RBPJ: variants seen among roughly 807,000 people sequenced by gnomAD.
RBPJ encodes the protein recombination signal binding protein for immunoglobulin kappa J region.
RBPJ carries 9 observed loss-of-function variants against 67.8 expected under a neutral mutation model. The observed-to-expected ratio is 0.13, with a 90% CI of 0.08 to 0.23. RBPJ has a LOEUF of 0.23. Ranked by LOEUF, RBPJ falls within the 10% of genes least tolerant of loss-of-function variation. The pLI, the probability that RBPJ is intolerant of heterozygous loss-of-function variation, is 1.00. For synonymous variants in RBPJ, 198 were observed against 203.3 expected (o/e 0.97, Z 0.22); for missense variants, 305 against 595.6 (o/e 0.51, Z 5.08).
At chr4:26,205,284 G>A (rs1032388956) in intron 1 of RBPJ, among the ~76,000 whole-genome samples, 2 of 152,206 alleles carry the variant, frequency 1.3e-5, no homozygotes, top group Admixed American at 1.3e-4. Flanking sequence ...CTGCCAGTGT[G>A]GAGTATAGGA....
At position 26,270,358 on chromosome 4, in the gene RBPJ, AAAGAAAGAAAG is replaced by A. The variant is rs1296769165; in HGVS notation, c.-166-92085_-166-92075del. Among the ~76,000 whole-genome samples, 112 of 14,644 alleles carry A rather than the reference AAAGAAAGAAAG, an allele frequency of 7.6e-3. 3 individuals are homozygous for A. The highest frequency in any genetic ancestry group is 0.03 in the African/African-American group (109 of 3,686). The allele number at this position is 14,644 out of a possible 152,430, so 9.6% of individuals were successfully genotyped here. ...AGGGGAGGGAGGGAGAGAGCAAGAG[AAAGAAAGAAAG>A]AAAGAAAGAAAGAAAGAAAGAAAGA... is the stretch of plus-strand genomic sequence containing the variant. On this transcript the variant is annotated intron_variant, in intron 1 of 4. Coordinates refer to the RBPJ transcript ENST00000512351.
At chr4:26,188,823 TATAAG>T (rs1295185605) in intron 1 of RBPJ, among the ~76,000 whole-genome samples, 2 of 152,228 alleles carry the variant, frequency 1.3e-5, no homozygotes, top group Non-Finnish European at 2.9e-5. Flanking sequence ...GCATGCATCA[TATAAG>T]ATAGATTACT....
At chr4:26,236,215 G>A (rs1295418515) in intron 1 of RBPJ, among the ~76,000 whole-genome samples, 1 of 152,174 alleles carries the variant, frequency 6.6e-6, no homozygotes, top group Non-Finnish European at 1.5e-5. Context: ...CTGTGACCTT[G>A]AGTGAGTAGG....
At chr4:26,320,946 G>C, upstream of RBPJ, 1 of 1,612,328 alleles carries the variant, frequency 6.2e-7, no homozygotes, top group Non-Finnish European at 8.5e-7. Flanking sequence ...TGAGGAAAAA[G>C]GGAAGGGGCG....
intron 1 of RBPJ, among the ~76,000 whole-genome samples, chr4:26,293,038 T>C (rs1257180126): frequency 6.6e-6 from 1 of 150,438 alleles, no homozygotes; most frequent in Non-Finnish European, 1.5e-5. Flanking sequence ...TATGGACACT[T>C]GGATATAGCT....
chr4:26,243,088 A>C (rs1719703891), intron 1 of RBPJ, among the ~76,000 whole-genome samples: 1 of 152,060 alleles, frequency 6.6e-6, no homozygotes, highest in South Asian at 2.1e-4. Flanking sequence ...GTAGCCGGGC[A>C]TGGTGGCCGG....
chr4:26,292,927 G>T (rs1721720440), intron 1 of RBPJ, among the ~76,000 whole-genome samples: 1 of 150,600 alleles, frequency 6.6e-6, no homozygotes, highest in Non-Finnish European at 1.5e-5. Flanking sequence ...ATGAACATGG[G>T]CATGCAGATA....
At chr4:26,221,689 G>C (rs1718914775) in intron 1 of RBPJ, among the ~76,000 whole-genome samples, 1 of 152,172 alleles carries the variant, frequency 6.6e-6, no homozygotes, top group Non-Finnish European at 1.5e-5. Flanking sequence ...ACTAAAAAGA[G>C]CACCCAGTTG....
At chr4:26,115,253 A>C in the RBPJ span, among the ~76,000 whole-genome samples, 1 of 152,246 alleles carries the variant, frequency 6.6e-6, no homozygotes, top group Non-Finnish European at 1.5e-5. Context: ...GACATAAACA[A>C]ATGCCTATCG....
chr4:26,145,766 T>G, the RBPJ span, among the ~76,000 whole-genome samples: 1 of 152,202 alleles, frequency 6.6e-6, no homozygotes, highest in East Asian at 1.9e-4. Flanking sequence ...TTAGCTCTTT[T>G]GAGGAGAAAA....
intron 1 of RBPJ, among the ~76,000 whole-genome samples, chr4:26,247,193 AT>A (rs972609575): frequency 6.6e-6 from 1 of 151,348 alleles, no homozygotes; most frequent in Non-Finnish European, 1.5e-5. Flanking sequence ...TATTTTTTTC[AT>A]TTTTTTATTA....
At chr4:26,346,746 C>T (rs913780363) in intron 1 of RBPJ, among the ~76,000 whole-genome samples, 1 of 152,184 alleles carries the variant, frequency 6.6e-6, no homozygotes, top group African/African-American at 2.4e-5. Flanking sequence ...AATCCCAGCA[C>T]TTTGGAAGGC....
intron 1 of RBPJ, among the ~76,000 whole-genome samples, chr4:26,169,971 G>A (rs988780909): frequency 1.3e-4 from 20 of 152,094 alleles, no homozygotes; most frequent in African/African-American, 1.7e-4. Context: ...TCCAGGTGCC[G>A]TCTGTCACCC....
chr4:26,401,976 C>T (rs770991621), intron 2 of RBPJ, among the ~76,000 whole-genome samples: 8 of 150,546 alleles, frequency 5.3e-5, no homozygotes, highest in South Asian at 2.1e-4. Context: ...GCAACCTCTG[C>T]CTCCTGTGTT....
chr4:26,280,487 ATAACT>A (rs1286809200), intron 1 of RBPJ, among the ~76,000 whole-genome samples: 1 of 151,930 alleles, frequency 6.6e-6, no homozygotes, highest in Non-Finnish European at 1.5e-5. Flanking sequence ...TGTGCCTCAG[ATAACT>A]TAAGGAGACC....
chr4:26,426,105 G>A (rs1178180522), intron 7 of RBPJ, among the ~76,000 whole-genome samples: 1 of 152,134 alleles, frequency 6.6e-6, no homozygotes, highest in East Asian at 1.9e-4. Context: ...TAACGTTAGG[G>A]AATGAAGGGC....
chr4:26,383,296 G>GC (rs1730505633), intron 1 of RBPJ, among the ~76,000 whole-genome samples: 1 of 152,162 alleles, frequency 6.6e-6, no homozygotes, highest in African/African-American at 2.4e-5. Context: ...GAATTTCAGA[G>GC]CATCAAGGAG....
At chr4:26,186,184 C>T (rs1434561234) in intron 1 of RBPJ, among the ~76,000 whole-genome samples, 6 of 141,870 alleles carry the variant, frequency 4.2e-5, no homozygotes, top group Non-Finnish European at 6.1e-5. Flanking sequence ...CTGCTCCCCC[C>T]TTTTTTTTAA....
intron 1 of RBPJ, among the ~76,000 whole-genome samples, chr4:26,291,100 A>T (rs1373231706): frequency 6.6e-6 from 1 of 150,954 alleles, no homozygotes; most frequent in Non-Finnish European, 1.5e-5. Context: ...GAAAGACAAA[A>T]TTAATGTGCA....
Sources: allele counts gnomAD v4.1 joint callset (sites outside exome capture counted in the v4.1 genomes callset), GRCh38; gene constraint gnomAD v4.1.1; transcripts MANE v1.5; gene names NCBI Gene and HGNC (gene_info 2026-07-23, HGNC 2026-07-21).